Variants in ATP8B4 observed in about 807,000 individuals in gnomAD.
The protein encoded by ATP8B4 is probable phospholipid-transporting ATPase IM.
Under a neutral mutation model 145.6 loss-of-function variants are expected in ATP8B4, and 133 were observed. The observed-to-expected ratio is 0.91, with a 90% CI of 0.79 to 1.05. The LOEUF is 1.05. Among genes scored for constraint, ATP8B4 ranks in the 50% least tolerant of loss-of-function variants. ATP8B4 has a pLI of 0.00. For missense variants in ATP8B4, 1,458 were observed against 1,425.2 expected (o/e 1.02, Z -0.37); for synonymous variants, 507 against 492.9 (o/e 1.03, Z -0.38).
intron 2 of ATP8B4, among the ~76,000 whole-genome samples, chr15:50,084,430 C>T (rs1285077483): frequency 6.6e-6 from 1 of 152,170 alleles, no homozygotes; most frequent in African/African-American, 2.4e-5. Context: ...CCTCTGCACA[C>T]ACCCTGGTCC....
At chr15:49,987,596 A>G in intron 9 of ATP8B4, 47 bp from the exon 10 acceptor site, 1 of 1,571,834 alleles carries the variant, frequency 6.4e-7, no homozygotes, top group Middle Eastern at 1.7e-4. Context: ...CTCACCCAAA[A>G]TTCTCTTCAG....
intron 26 of ATP8B4, 36 bp downstream of exon 26, chr15:49,866,310 G>T: frequency 6.2e-7 from 1 of 1,601,056 alleles, no homozygotes; most frequent in South Asian, 1.1e-5. Context: ...AACAGCAGCA[G>T]ACACTAGGTT....
At chr15:50,156,911 T>C (rs1182941066) in intron 1 of ATP8B4, among the ~76,000 whole-genome samples, 1 of 152,226 alleles carries the variant, frequency 6.6e-6, no homozygotes. Flanking sequence ...GGCTTTTAAT[T>C]AGCCATCTTG....
At chr15:50,123,920 G>GA (rs544918047), upstream of ATP8B4, among the ~76,000 whole-genome samples, 169 of 152,148 alleles carry the variant, frequency 1.1e-3, 3 homozygotes, top group African/African-American at 4.0e-3. Flanking sequence ...ATTTTAAAGG[G>GA]ATGATATCAA....
intron 3 of ATP8B4, among the ~76,000 whole-genome samples, chr15:50,054,783 C>CAAAAAAAAAAAAAAAAAAAAAAAAAAA (rs55783703): frequency 1.2e-5 from 1 of 81,838 alleles, no homozygotes; most frequent in Non-Finnish European, 2.2e-5. Context: ...GACTCCGCCT[C>CAAAAAAAAAAAAAAAAAAAAAAAAAAA]AAAAAAAAAA....
At chr15:49,931,387 T>C in intron 15 of ATP8B4, 80 bp from the exon 16 acceptor site, 2 of 1,324,364 alleles carry the variant, frequency 1.5e-6, no homozygotes, top group East Asian at 2.4e-5. Flanking sequence ...TCCAACTCAG[T>C]ATTTAACACC....
intron 23 of ATP8B4, among the ~76,000 whole-genome samples, chr15:49,881,517 T>C (rs1386978176): frequency 7.9e-5 from 12 of 152,146 alleles, no homozygotes; most frequent in Admixed American, 7.2e-4. Context: ...AGCAAAGTGA[T>C]ACAAGACAGC....
chr15:50,014,052 CAA>C (rs1014320405), intron 6 of ATP8B4, among the ~76,000 whole-genome samples: 2 of 152,124 alleles, frequency 1.3e-5, no homozygotes, highest in Non-Finnish European at 2.9e-5. Context: ...GCTTGAGAAA[CAA>C]AAGAGGGGAT....
At chr15:50,056,207 A>ACATT (rs763908427) in intron 3 of ATP8B4, among the ~76,000 whole-genome samples, 26 of 151,416 alleles carry the variant, frequency 1.7e-4, no homozygotes, top group African/African-American at 4.7e-4. Flanking sequence ...ATATCCCCCA[A>ACATT]CATTCATTCA....
At position 49,858,389 on chromosome 15, in the gene ATP8B4, C is replaced by T. The variant is rs1435282121; in HGVS notation, c.*1805G>A. ...CAGGCATGTAAGGGAAAGACAACGT[C>T]CATAGGCAGTTACTATGGTAAAGGA... On this transcript the variant is annotated 3_prime_UTR_variant, in exon 28 of 28. Coordinates refer to ENST00000284509, the MANE Select transcript of ATP8B4 (RefSeq NM_024837.4). 6.6e-6 allele frequency: 1 copy of T among 152,166 alleles called. No homozygotes were observed. The highest frequency in any genetic ancestry group is 1.5e-5 in the Non-Finnish European group (1 of 68,032). 9.4% of individuals were successfully genotyped at this position (152,166 alleles called of 1,614,324 possible).
intron 25 of ATP8B4, among the ~76,000 whole-genome samples, chr15:49,867,256 T>C (rs189607918): frequency 3.7e-4 from 56 of 152,344 alleles, no homozygotes; most frequent in African/African-American, 1.3e-3. Context: ...AGTGAAGGTT[T>C]GTATTTCTAG....
rs750516216 is a variant in ATP8B4, at chr15:49,996,796, G to T, written c.507-37C>A. 5.1e-5 allele frequency: 78 copies of T among 1,542,024 alleles called. 4 individuals carry two copies. The South Asian group carries it at 8.6e-4, about 17-fold the overall frequency. ...TTGACATGACATGAATTTTTATATGGAACAGCCCAACAGCATCCTACCAAA... is the reference window on the plus strand; with the variant it reads ...TTGACATGACATGAATTTTTATATGTAACAGCCCAACAGCATCCTACCAAA... On this transcript the variant is annotated intron_variant, in intron 8 of 27. Transcript: ENST00000284509.
intron 1 of ATP8B4, among the ~76,000 whole-genome samples, chr15:50,127,032 A>C (rs968459964): frequency 1.6e-4 from 25 of 152,046 alleles, no homozygotes; most frequent in Admixed American, 1.4e-3. Flanking sequence ...CTTTCTGCTG[A>C]CCCCAAGTTT....
intron 8 of ATP8B4, among the ~76,000 whole-genome samples, chr15:49,997,978 G>T (rs990704303): frequency 6.6e-6 from 1 of 152,104 alleles, no homozygotes. Flanking sequence ...AGTGAGAAAA[G>T]TGGTATAGAG....
At position 49,909,086 on chromosome 15, in the gene ATP8B4, C is replaced by T. The variant is rs767943648; in HGVS notation, c.2142-7847G>A. The stretch of plus-strand genomic sequence containing the variant: ...AGCACCCATACATACCACTGGACAG[C>T]GGGGAGAAGGGGAACATACAGACAG... On this transcript the variant is annotated intron_variant, in intron 20 of 27. Coordinates refer to ENST00000284509, the MANE Select transcript of ATP8B4 (RefSeq NM_024837.4). Among the ~76,000 whole-genome samples, 160 of 152,060 alleles carry T rather than the reference C, an allele frequency of 1.1e-3. 1 individual carries two copies. The highest frequency in any genetic ancestry group is 1.8e-3 in the Non-Finnish European group (123 of 67,996).
chr15:50,018,550 T>C (rs762529493), intron 6 of ATP8B4, among the ~76,000 whole-genome samples: 1 of 152,180 alleles, frequency 6.6e-6, no homozygotes, highest in Non-Finnish European at 1.5e-5. Flanking sequence ...TATCTTCCCG[T>C]CAACAATGAA....
At chr15:49,927,359 G>A (rs2040820311) in intron 16 of ATP8B4, among the ~76,000 whole-genome samples, 1 of 152,032 alleles carries the variant, frequency 6.6e-6, no homozygotes, top group South Asian at 2.1e-4. Context: ...AGCAACAGAA[G>A]CAATGCCTGA....
intron 1 of ATP8B4, among the ~76,000 whole-genome samples, chr15:50,124,450 T>C (rs1449337613): frequency 2.0e-5 from 3 of 152,086 alleles, no homozygotes; most frequent in Non-Finnish European, 2.9e-5. Context: ...AAAAAGAGAA[T>C]AAGAGAATGC....
chr15:50,064,289 T>A (rs898007754), intron 3 of ATP8B4, among the ~76,000 whole-genome samples: 10 of 152,150 alleles, frequency 6.6e-5, no homozygotes, highest in African/African-American at 2.4e-4. Flanking sequence ...TCTGTAATGA[T>A]GTGAACTGAC....
Sources: allele counts gnomAD v4.1 joint callset (sites outside exome capture counted in the v4.1 genomes callset), GRCh38; gene constraint gnomAD v4.1.1; transcripts MANE v1.5; gene names NCBI Gene and HGNC (gene_info 2026-07-23, HGNC 2026-07-21).